ZMYM6: variants seen among roughly 807,000 people sequenced by gnomAD.
ZMYM6 encodes zinc finger MYM-type containing 6, also known as zinc finger MYM-type protein 6.
Under a neutral mutation model 134.0 loss-of-function variants are expected in ZMYM6, and 90 were observed. The ratio of observed to expected loss-of-function variants is 0.67; its 90% CI spans 0.57 to 0.80. The LOEUF (loss-of-function observed/expected upper bound fraction) is 0.80. Among genes scored for constraint, ZMYM6 ranks in the 30% least tolerant of loss-of-function variants. ZMYM6 has a pLI of 0.00. For synonymous variants in ZMYM6, 481 were observed against 524.1 expected (o/e 0.92, Z 1.12); for missense variants, 1,362 against 1,533.9 (o/e 0.89, Z 1.87).
intron 6 of ZMYM6, chr1:35,013,272 G>A (rs567499590): frequency 2.5e-6 from 2 of 811,470 alleles, no homozygotes; most frequent in East Asian, 2.5e-4. Flanking sequence ...ATTAACAGAT[G>A]AGCAGAAGAA....
In ZMYM6 at chr1:35,011,998, C is replaced by A; in HGVS notation, c.954G>T (p.Gln318His). ...AGGTTTTACAACTATGACATGAAAC[C>A]TGGACACCTTGGTGACAAAAAATTA... is the stretch of plus-strand genomic sequence containing the variant. ...RVKTVTSSGVQVSCHSCKTSA... is the reference protein window; with the variant it reads ...RVKTVTSSGVHVSCHSCKTSA... The change falls in exon 8 of 16, where the codon CAG becomes CAT. Residue 318 changes from glutamine (Q) to histidine (H), a missense_variant. Gln to His is a conservative substitution (Grantham distance 24). Transcript: ENST00000357182. The A allele has an allele frequency of 6.3e-7, 1 of 1,595,440 alleles. No individual in the cohort carries two copies. Among genetic ancestry groups the A allele is most frequent in the Non-Finnish European group, 8.6e-7 (1 of 1,169,486 alleles).
In ZMYM6 at chr1:35,010,828, G is replaced by C. The variant is rs777919591; in HGVS notation, c.1271C>G (p.Thr424Arg). ...GTGCTGACACTTGAGTTTAACAACT[G>C]TATGGGTTAAAGCAACTTGCTGGGA... ...EQSQQVALTHTVVKLKCQHCN... is the reference protein window; with the variant it reads ...EQSQQVALTHRVVKLKCQHCN... The change falls in exon 9 of 16, where the codon ACA becomes AGA. Residue 424 changes from threonine to arginine, a missense_variant. By Grantham distance (71) the Thr-to-Arg change is moderately conservative. Around this residue, in one of 3 missense-constraint regions of ZMYM6, gnomAD observed 503 missense variants for 520.8 expected, o/e 0.97. Coordinates refer to ENST00000357182, the MANE Select transcript of ZMYM6 (RefSeq NM_007167.4). 3.1e-6 allele frequency: 5 copies of C among 1,610,290 alleles called. No individual in the cohort carries two copies. The South Asian group carries it at 3.3e-5, about 11-fold the overall frequency.
Position 35,015,128 on chromosome 1 carries a change from G to A in ZMYM6, c.463C>T (p.Arg155Cys), listed in dbSNP as rs768993873. Residue 155 changes from arginine to cysteine, a missense_variant, in exon 5 of 16, where the codon CGC (arginine) becomes TGC (cysteine). Transcript: ENST00000357182. ...ILNPKDVITT[R>C]FENSYPSKDF... The stretch of plus-strand genomic sequence containing the variant: ...TTGCTAGGATAGGAATTCTCAAAGC[G>A]AGTTGTGATCACATCCTTAGGATTT... 17 of 1,611,302 alleles carry A rather than the reference G, an allele frequency of 1.1e-5. 1 individual carries two copies. The South Asian group carries it at 1.1e-4, about 10-fold the overall frequency.
chr1:35,015,132 T>G lies in ZMYM6; in HGVS notation c.459A>C (p.Thr153=). The change falls in exon 5 of 16, where the codon ACA becomes ACC. Residue 153 remains threonine (T), a synonymous_variant. Transcript: ENST00000357182. ...TAGGATAGGAATTCTCAAAGCGAGTTGTGATCACATCCTTAGGATTTAAAA... is the reference window on the plus strand; with the variant it reads ...TAGGATAGGAATTCTCAAAGCGAGTGGTGATCACATCCTTAGGATTTAAAA... ...KDILNPKDVI[T]TRFENSYPSK... is the part of the protein sequence containing the mutation. 6.2e-7 allele frequency: 1 copy of G among 1,609,348 alleles called. No homozygotes were observed. The highest frequency in any genetic ancestry group is 8.5e-7 in the Non-Finnish European group (1 of 1,178,852).
chr1:34,994,304 A>G (rs1446164471), intron 14 of ZMYM6, among the ~76,000 whole-genome samples: 1 of 152,218 alleles, frequency 6.6e-6, no homozygotes, highest in Non-Finnish European at 1.5e-5. Context: ...GCGTACAGGA[A>G]TGGAGAGTGA....
intron 15 of ZMYM6, chr1:34,989,231 A>C: frequency 9.2e-7 from 1 of 1,091,838 alleles, no homozygotes; most frequent in Non-Finnish European, 1.1e-6. Flanking sequence ...ACCATGATAC[A>C]CATCAAATTA....
chr1:35,017,677 TATC>T (rs1331069169), intron 4 of ZMYM6: 1 of 152,204 alleles, frequency 6.6e-6, no homozygotes, highest in Non-Finnish European at 1.5e-5. Flanking sequence ...ATTTTATAAA[TATC>T]ATGTTTTAAC....
rs762230800 is a variant in ZMYM6 at position 35,015,134 on chromosome 1, T to G, written c.457A>C (p.Thr153Pro). ...GGATAGGAATTCTCAAAGCGAGTTG[T>G]GATCACATCCTTAGGATTTAAAATG... is the stretch of plus-strand genomic sequence containing the variant. Reference protein sequence around the residue: ...KDILNPKDVITTRFENSYPSK... With the variant: ...KDILNPKDVIPTRFENSYPSK... The change falls in exon 5 of 16, where the codon ACA becomes CCA. Residue 153 changes from threonine (T) to proline (P), a missense_variant. Physicochemically the swap from Thr to Pro is conservative, Grantham distance 38. Transcript: ENST00000357182. 1 of 1,608,924 alleles carries G rather than the reference T, an allele frequency of 6.2e-7. No homozygotes were observed.
intron 13 of ZMYM6, among the ~76,000 whole-genome samples, chr1:35,004,271 T>C (rs762019498): frequency 1.1e-4 from 17 of 152,114 alleles, no homozygotes; most frequent in African/African-American, 3.4e-4. Context: ...TAAAAAAATA[T>C]CACTTCCCAG....
chr1:35,030,661 G>A lies in ZMYM6; in HGVS notation c.-22C>T, dbSNP rs1641504583. The A allele has an allele frequency of 6.2e-7, 1 of 1,605,570 alleles. No individual in the cohort carries two copies. The highest frequency in any genetic ancestry group is 8.5e-7 in the Non-Finnish European group (1 of 1,174,958). Reference sequence around the variant, plus strand: ...TCATTCTAATTTTTTACCTCAAAGAGTGTCTCAGGCTCAAACGAATAGATT... The same window carrying A: ...TCATTCTAATTTTTTACCTCAAAGAATGTCTCAGGCTCAAACGAATAGATT... On this transcript the variant is annotated 5_prime_UTR_variant, in exon 2 of 16. Coordinates refer to ENST00000357182, the MANE Select transcript of ZMYM6 (RefSeq NM_007167.4).
chr1:34,993,158 C>G (rs1363490560), intron 14 of ZMYM6, among the ~76,000 whole-genome samples: 6 of 149,670 alleles, frequency 4.0e-5, no homozygotes, highest in Admixed American at 4.0e-4. Flanking sequence ...GTCACTCAGG[C>G]TGGAGTACAG....
rs1065531 is a variant in ZMYM6, at chr1:35,010,861, G to C, written c.1238C>G (p.Ala413Gly). 1 of 1,613,966 alleles carries C rather than the reference G, an allele frequency of 6.2e-7. No homozygotes were observed. Among genetic ancestry groups the C allele is most frequent in the Non-Finnish European group, 8.5e-7 (1 of 1,179,938 alleles). Reference protein sequence around the residue: ...GSAAASLQPLAEQSQQVALTH... With the variant: ...GSAAASLQPLGEQSQQVALTH... Reference sequence around the variant, plus strand: ...TAAAGCAACTTGCTGGGATTGTTCAGCAAGAGGTTGGAGGCTGGCTGCAGC... The same window carrying C: ...TAAAGCAACTTGCTGGGATTGTTCACCAAGAGGTTGGAGGCTGGCTGCAGC... Residue 413 changes from alanine (A) to glycine (G), a missense_variant, in exon 9 of 16, where the codon GCT becomes GGT. Ala to Gly is a moderately conservative substitution (Grantham distance 60, BLOSUM62 0). Coordinates refer to ENST00000357182, the MANE Select transcript of ZMYM6 (RefSeq NM_007167.4).
rs1423892889 is a variant in ZMYM6, at chr1:34,987,405, T to C, written c.3677A>G (p.Asn1226Ser). The stretch of plus-strand genomic sequence containing the variant: ...CTTTTCTTCTTCGAAGTCGGTGAGA[T>C]TATTATTTTGGTGATTCATAAAAGG... The part of the protein sequence containing the change: ...IHPFMNHQNN[N>S]LTDFEEEKLT... The change falls in exon 16 of 16, where the codon AAT becomes AGT. Residue 1226 changes from asparagine (N) to serine (S), a missense_variant. Asn to Ser is a conservative substitution (Grantham distance 46, BLOSUM62 1). Transcript: ENST00000357182. 2.5e-6 allele frequency: 4 copies of C among 1,614,096 alleles called. No individual in the cohort carries two copies. Among genetic ancestry groups the C allele is most frequent in the Non-Finnish European group, 3.4e-6 (4 of 1,180,012 alleles).
chr1:35,018,488 T>C (rs1396659300), intron 4 of ZMYM6: 2 of 151,522 alleles, frequency 1.3e-5, no homozygotes, highest in Non-Finnish European at 2.9e-5. Flanking sequence ...TATACACATA[T>C]ATTTATTATA....
At chr1:35,015,743 A>AAAAAAAAAAAAAAATATATATATAT in intron 4 of ZMYM6, among the ~76,000 whole-genome samples, 3 of 106,464 alleles carry the variant, frequency 2.8e-5, no homozygotes, top group African/African-American at 2.0e-4. Flanking sequence ...AAAAAAAAAA[A>AAAAAAAAAAAAAAATATATATATAT]ATATATATAT....
Position 34,988,228 on chromosome 1 carries a change from T to C in ZMYM6, c.2854A>G (p.Ile952Val). The C allele has an allele frequency of 6.5e-7, 1 of 1,549,304 alleles. No homozygotes were observed. The highest frequency in any genetic ancestry group is 8.7e-7 in the Non-Finnish European group (1 of 1,146,092). Residue 952 changes from isoleucine to valine, a missense_variant, in exon 16 of 16, where the codon ATA (isoleucine) becomes GTA (valine). Ile to Val is a conservative substitution (Grantham distance 29). Coordinates refer to ENST00000357182, the MANE Select transcript of ZMYM6 (RefSeq NM_007167.4). ...LLFCIEMPTQ[I>V]TGFEIFELIN... is the part of the protein sequence containing the mutation. ...AGTTCAAATATTTCAAAGCCAGTTA[T>C]TTGAGTAGGCATTTCAATGCAAAAT...
At chr1:35,004,093 T>G in intron 13 of ZMYM6, 88 bp from the exon 14 acceptor site, 1 of 1,185,062 alleles carries the variant, frequency 8.4e-7, no homozygotes, top group African/African-American at 1.5e-5. Flanking sequence ...CCCATTAAGC[T>G]GGGCTAGAGT....
At chr1:34,994,381 G>A (rs1640739600) in intron 14 of ZMYM6, among the ~76,000 whole-genome samples, 1 of 152,200 alleles carries the variant, frequency 6.6e-6, no homozygotes, top group South Asian at 2.1e-4. Context: ...ATTCAAAAGA[G>A]TAAGCCATGC....
Position 35,010,799 on chromosome 1 carries a change from T to C in ZMYM6, c.1300A>G (p.Asn434Asp). Residue 434 changes from asparagine (N) to aspartate (D), a missense_variant, in exon 9 of 16, where the codon AAC becomes GAC. Around this residue, in one of 3 missense-constraint regions of ZMYM6, gnomAD observed 503 missense variants for 520.8 expected, o/e 0.97. Transcript: ENST00000357182. ...TCTGGTTTTGTGGCAAATAGATGGT[T>C]ACAGTGCTGACACTTGAGTTTAACA... ...TVVKLKCQHC[N>D]HLFATKPELL... The C allele has an allele frequency of 6.3e-7, 1 of 1,591,726 alleles. No individual in the cohort carries two copies. Among genetic ancestry groups the C allele is most frequent in the Non-Finnish European group, 8.5e-7 (1 of 1,172,268 alleles).
Sources: gnomAD v4.1 joint callset for allele counts (sites outside exome capture counted in the v4.1 genomes callset) on GRCh38, gnomAD v4.1.1 for gene constraint, gnomAD v4.1.1 regional missense constraint, MANE v1.5 for transcripts, NCBI Gene and HGNC (gene_info 2026-07-23, HGNC 2026-07-21) for gene names.